SLIT3: variants seen among roughly 807,000 people sequenced by gnomAD.
SLIT3 encodes slit homolog 3 protein.
Under a neutral mutation model 184.0 loss-of-function variants are expected in SLIT3, and 68 were observed. The observed-to-expected ratio is 0.37, with a 90% CI of 0.30 to 0.45. SLIT3 has a LOEUF of 0.45. Ranked by LOEUF, SLIT3 falls within the 20% of genes least tolerant of loss-of-function variation. The probability of loss-of-function intolerance (pLI) is 1.00; values close to 1 mark genes in which losing one functional copy is unlikely to be tolerated. For synonymous variants in SLIT3, 831 were observed against 828.6 expected (o/e 1.00, Z -0.05); for missense variants, 1,707 against 2,026.0 (o/e 0.84, Z 3.02).
intron 32 of SLIT3, among the ~76,000 whole-genome samples, chr5:168,682,470 G>T (rs989848292): frequency 6.6e-6 from 1 of 152,242 alleles, no homozygotes; most frequent in African/African-American, 2.4e-5. Flanking sequence ...GGATTCAGTA[G>T]TTCTGGGGTA....
At chr5:169,166,229 C>T (rs34099192) in intron 4 of SLIT3, among the ~76,000 whole-genome samples, 5 of 152,078 alleles carry the variant, frequency 3.3e-5, no homozygotes, top group Non-Finnish European at 5.9e-5. Flanking sequence ...AAGACTCCCC[C>T]CAAAGTTCTT....
At position 169,058,231 on chromosome 5, in the gene SLIT3, C is replaced by A. The variant is rs117663258; in HGVS notation, c.413+135248G>T. Among the ~76,000 whole-genome samples the A allele has an allele frequency of 5.6e-4, 86 of 152,356 alleles. 1 individual carries two copies. The East Asian group carries it at 0.01, about 18-fold the overall frequency. ...TGACATCCACTGTGTTAATGCCATG[C>A]GGCAAAGTGCAGATGCAAATACCAT... On this transcript the variant is annotated intron_variant, in intron 4 of 35. Coordinates refer to ENST00000519560, the MANE Select transcript of SLIT3 (RefSeq NM_003062.4).
intron 4 of SLIT3, among the ~76,000 whole-genome samples, chr5:169,127,798 G>A (rs907334794): frequency 1.3e-5 from 2 of 151,996 alleles, no homozygotes; most frequent in African/African-American, 4.8e-5. Flanking sequence ...AGTGACATAC[G>A]GCAAATTAGG....
At chr5:168,909,432 C>T (rs1337951009) in intron 4 of SLIT3, among the ~76,000 whole-genome samples, 4 of 152,186 alleles carry the variant, frequency 2.6e-5, no homozygotes. Flanking sequence ...TGGCAGCCGC[C>T]CTCTGTAGAA....
intron 4 of SLIT3, among the ~76,000 whole-genome samples, chr5:169,023,158 T>C (rs1756666854): frequency 6.6e-6 from 1 of 152,138 alleles, no homozygotes; most frequent in African/African-American, 2.4e-5. Context: ...TTTTTAGGAA[T>C]TGCATGAGTG....
chr5:168,841,694 T>C (rs765820771), intron 6 of SLIT3, among the ~76,000 whole-genome samples: 4 of 152,200 alleles, frequency 2.6e-5, no homozygotes, highest in Non-Finnish European at 4.4e-5. Context: ...GAAAGAAGTT[T>C]TATGGTATTT....
chr5:168,981,636 C>T (rs920429100), intron 4 of SLIT3, among the ~76,000 whole-genome samples: 1 of 152,196 alleles, frequency 6.6e-6, no homozygotes, highest in Non-Finnish European at 1.5e-5. Flanking sequence ...AGCACTGCTG[C>T]CCCCATCCCT....
chr5:169,197,072 C>T (rs1763764082), intron 3 of SLIT3, among the ~76,000 whole-genome samples: 1 of 152,132 alleles, frequency 6.6e-6, no homozygotes, highest in Non-Finnish European at 1.5e-5. Context: ...AGAGTTGAAG[C>T]TAAAAATAAA....
At chr5:169,046,364 G>A (rs987692157) in intron 4 of SLIT3, among the ~76,000 whole-genome samples, 3 of 152,170 alleles carry the variant, frequency 2.0e-5, no homozygotes, top group East Asian at 1.9e-4. Context: ...CAAGAAAGGA[G>A]GTGAGACTCC....
At chr5:169,189,905 A>G (rs990322007) in intron 4 of SLIT3, among the ~76,000 whole-genome samples, 2 of 152,156 alleles carry the variant, frequency 1.3e-5, no homozygotes, top group East Asian at 1.9e-4. Flanking sequence ...TACTAGCGCT[A>G]TTATCTATCT....
At chr5:169,267,528 T>C (rs147797000) in intron 1 of SLIT3, among the ~76,000 whole-genome samples, 16 of 152,324 alleles carry the variant, frequency 1.1e-4, no homozygotes, top group African/African-American at 3.6e-4. Flanking sequence ...TAATTGACAA[T>C]GGCTTGAGAT....
intron 3 of SLIT3, among the ~76,000 whole-genome samples, chr5:169,224,739 T>G (rs533532751): frequency 2.6e-5 from 4 of 152,122 alleles, no homozygotes; most frequent in Non-Finnish European, 5.9e-5. Context: ...CAGGCTGGAG[T>G]GCAGTGGTGC....
chr5:168,924,412 A>G (rs1312674386), intron 4 of SLIT3, among the ~76,000 whole-genome samples: 3 of 152,144 alleles, frequency 2.0e-5, no homozygotes, highest in Non-Finnish European at 4.4e-5. Flanking sequence ...TTCTTTTAGG[A>G]AAGGAGTCCA....
chr5:168,886,062 C>A (rs1760195011), intron 4 of SLIT3, among the ~76,000 whole-genome samples: 1 of 152,202 alleles, frequency 6.6e-6, no homozygotes. Flanking sequence ...CAGCTTTCTT[C>A]CCATCTCCCT....
At chr5:168,714,073 C>G (rs1460768423) in intron 23 of SLIT3, among the ~76,000 whole-genome samples, 2 of 152,186 alleles carry the variant, frequency 1.3e-5, no homozygotes, top group Non-Finnish European at 2.9e-5. Flanking sequence ...GAAAGTGAGC[C>G]TCAGTGCTTA....
chr5:168,774,513 G>GA, intron 12 of SLIT3, 135 bp from the exon 13 acceptor site: 1 of 930,594 alleles, frequency 1.1e-6, no homozygotes. Context: ...CTGCAGAACA[G>GA]AAAAAGAGAG....
chr5:168,990,435 G>A (rs2113384092), intron 4 of SLIT3, among the ~76,000 whole-genome samples: 1 of 152,258 alleles, frequency 6.6e-6, no homozygotes, highest in East Asian at 1.9e-4. Flanking sequence ...CTTTCACATG[G>A]CGGGCTTCAC....
rs967402973 is a variant in SLIT3, at chr5:168,795,667, C to T, written c.936-89G>A. The T allele has an allele frequency of 3.8e-6, 4 of 1,065,288 alleles. No individual in the cohort carries two copies. In the Admixed American group the frequency reaches 6.8e-5, roughly 18 times the overall value. 66.0% of individuals were successfully genotyped at this position (1,065,288 alleles called of 1,614,324 possible). ...CTACTGTGTTCTCTGGCCTTAAGGA[C>T]AGGGAGGTCTTTTTTGTCACAGGTG... is the stretch of plus-strand genomic sequence containing the variant. On this transcript the variant is annotated intron_variant, in intron 9 of 35. Transcript: ENST00000519560.
intron 1 of SLIT3, among the ~76,000 whole-genome samples, chr5:169,290,415 G>T (rs1767313361): frequency 6.7e-6 from 1 of 150,134 alleles, no homozygotes; most frequent in African/African-American, 2.5e-5. Context: ...ACACACTAGG[G>T]CATACACTGG....
Sources: gnomAD v4.1 joint callset for allele counts (sites outside exome capture counted in the v4.1 genomes callset) on GRCh38, gnomAD v4.1.1 for gene constraint, MANE v1.5 for transcripts, NCBI Gene and HGNC (gene_info 2026-07-23, HGNC 2026-07-21) for gene names.